IL6ST: variants seen among roughly 807,000 people sequenced by gnomAD.
IL6ST encodes the protein interleukin 6 cytokine family signal transducer.
Under a neutral mutation model 91.3 loss-of-function variants are expected in IL6ST, and 24 were observed. That is an observed-to-expected ratio of 0.26 (90% CI 0.19 to 0.37). IL6ST has a LOEUF of 0.37. IL6ST is among the 10% of genes least tolerant of loss of function. IL6ST has a pLI of 1.00. For synonymous variants in IL6ST, 351 were observed against 373.6 expected (o/e 0.94, Z 0.70); for missense variants, 914 against 1,078.5 (o/e 0.85, Z 2.14).
intron 6 of IL6ST, 51 bp downstream of exon 6, chr5:55,964,095 T>C (rs1324731670): frequency 1.1e-6 from 1 of 907,776 alleles, no homozygotes; most frequent in East Asian, 2.9e-5. Flanking sequence ...TACTTTAATT[T>C]GTAAACGACT....
intron 3 of IL6ST, among the ~76,000 whole-genome samples, chr5:55,974,537 T>C (rs186054229): frequency 1.6e-3 from 242 of 152,082 alleles, no homozygotes; most frequent in African/African-American, 5.7e-3. Context: ...CAGACTGGAG[T>C]GCAGTGGTGC....
At chr5:55,945,648 CTTTT>C (rs70995749) in intron 15 of IL6ST, among the ~76,000 whole-genome samples, 14 of 41,678 alleles carry the variant, frequency 3.4e-4, no homozygotes, top group African/African-American at 1.1e-3. Context: ...AAAACTTATG[CTTTT>C]TTTTTTTTTT....
intron 2 of IL6ST, among the ~76,000 whole-genome samples, chr5:55,981,731 A>T (rs892223083): frequency 3.3e-5 from 5 of 152,172 alleles, no homozygotes; most frequent in Non-Finnish European, 7.3e-5. Context: ...TATTTAATTT[A>T]AAATTATATT....
chr5:55,940,222 TTAC>T lies in IL6ST; in HGVS notation c.*857_*859del, dbSNP rs535435211. 4.8e-6 allele frequency: 1 copy of T among 210,230 alleles called. No homozygotes were observed. The highest frequency in any genetic ancestry group is 2.3e-5 in the African/African-American group (1 of 44,096). The allele number at this position is 210,230 out of a possible 1,614,324, so 13.0% of individuals were successfully genotyped here. On this transcript the variant is annotated 3_prime_UTR_variant, in exon 17 of 17. Transcript: ENST00000381298. ...ATGCTTTATTGGTTTTTTTTCCCCT[TTAC>T]TACTACTTCCTGTTTTCCCCTTTAC...
intron 1 of IL6ST, among the ~76,000 whole-genome samples, chr5:55,983,275 C>T (rs897148750): frequency 6.6e-6 from 1 of 152,116 alleles, no homozygotes; most frequent in Non-Finnish European, 1.5e-5. Flanking sequence ...CATGAGCCAC[C>T]GCGCCCAGCC....
intron 15 of IL6ST, among the ~76,000 whole-genome samples, chr5:55,945,220 T>C (rs1426103214): frequency 6.6e-6 from 1 of 152,100 alleles, no homozygotes; most frequent in East Asian, 1.9e-4. Flanking sequence ...AAGAACACAC[T>C]GGAAGAATTC....
At chr5:55,968,728 A>C (rs1328658389) in intron 4 of IL6ST, among the ~76,000 whole-genome samples, 2 of 152,232 alleles carry the variant, frequency 1.3e-5, no homozygotes, top group Non-Finnish European at 2.9e-5. Context: ...TAATATATAC[A>C]TATGTTTGTA....
intron 8 of IL6ST, among the ~76,000 whole-genome samples, chr5:55,958,753 C>T (rs1232243554): frequency 6.6e-6 from 1 of 151,026 alleles, no homozygotes; most frequent in African/African-American, 2.4e-5. Flanking sequence ...GCATGAGGAT[C>T]GCTTCAGCCT....
chr5:55,967,216 A>T (rs1248368963), intron 5 of IL6ST, among the ~76,000 whole-genome samples: 1 of 144,840 alleles, frequency 6.9e-6, no homozygotes, highest in Non-Finnish European at 1.5e-5. Context: ...AGGCTGAGGC[A>T]GGAGAATTGC....
chr5:55,981,349 A>G (rs897068927), intron 2 of IL6ST, among the ~76,000 whole-genome samples: 12 of 152,236 alleles, frequency 7.9e-5, no homozygotes, highest in Non-Finnish European at 1.6e-4. Context: ...TTGCTTAAAA[A>G]TTGACAGAAT....
chr5:55,983,229 G>T lies in IL6ST; in HGVS notation c.-103-418C>A, dbSNP rs555959157. Among the ~76,000 whole-genome samples, 152 of 152,092 alleles carry T rather than the reference G, an allele frequency of 1.0e-3. 1 individual carries two copies. Among genetic ancestry groups the T allele is most frequent in the African/African-American group, 3.6e-3 (148 of 41,492 alleles). On this transcript the variant is annotated intron_variant, in intron 1 of 16. Transcript: ENST00000381298. ...GCCCAGGCTGAGCTCAAAGGGATCTGCCCACCTCAGACTCCCAAAGTGTTG... is the reference window on the plus strand; with the variant it reads ...GCCCAGGCTGAGCTCAAAGGGATCTTCCCACCTCAGACTCCCAAAGTGTTG...
intron 3 of IL6ST, among the ~76,000 whole-genome samples, chr5:55,970,366 G>A (rs1026091690): frequency 5.9e-5 from 9 of 152,154 alleles, no homozygotes; most frequent in African/African-American, 1.9e-4. Context: ...AATAGAACAA[G>A]ATGGCCAAAT....
Position 55,964,256 on chromosome 5 carries a change from G to C in IL6ST, c.548C>G (p.Thr183Ser). The change falls in exon 6 of 17, where the codon ACT (threonine) becomes AGT (serine). Residue 183 changes from threonine (T) to serine (S), a missense_variant. By Grantham distance (58) the Thr-to-Ser change is moderately conservative. Transcript: ENST00000381298. ...KAKRDTPTSC[T>S]VDYSTVYFVN... is the part of the protein sequence containing the mutation. ...AAAATACACAGTAGAATAATCAACA[G>C]TGCATGAGGTGGGGGTGTCACGTTT... is the stretch of plus-strand genomic sequence containing the variant. 6.2e-7 allele frequency: 1 copy of C among 1,611,586 alleles called. No homozygotes were observed. Among genetic ancestry groups the C allele is most frequent in the Non-Finnish European group, 8.5e-7 (1 of 1,178,270 alleles).
chr5:55,986,355 T>C (rs1753970099), intron 1 of IL6ST, among the ~76,000 whole-genome samples: 1 of 152,266 alleles, frequency 6.6e-6, no homozygotes, highest in South Asian at 2.1e-4. Flanking sequence ...ACTGGTAACA[T>C]TCTCTGAAAT....
At chr5:55,955,450 GAAAA>G (rs940863521) in intron 10 of IL6ST, among the ~76,000 whole-genome samples, 2 of 146,526 alleles carry the variant, frequency 1.4e-5, no homozygotes, top group African/African-American at 5.0e-5. Context: ...GTCTCAAAAA[GAAAA>G]AAAAAAATTT....
intron 14 of IL6ST, among the ~76,000 whole-genome samples, chr5:55,948,369 AAAGT>A (rs1241176573): frequency 6.6e-6 from 1 of 152,156 alleles, no homozygotes; most frequent in Non-Finnish European, 1.5e-5. Flanking sequence ...AAAATGTATG[AAAGT>A]AATATTGCAG....
rs1308202518 is a variant in IL6ST, at chr5:55,938,070, C to T, written c.*3012G>A. On this transcript the variant is annotated 3_prime_UTR_variant, in exon 17 of 17. Transcript: ENST00000381298. ...TGATTTCTATTTCTCAAACTAGATG[C>T]TCTACTTTAAATATGAGCTTTAATG... 5.3e-6 allele frequency: 1 copy of T among 189,636 alleles called. No homozygotes were observed. The highest frequency in any genetic ancestry group is 1.1e-5 in the Non-Finnish European group (1 of 90,244). 11.7% of individuals were successfully genotyped at this position (189,636 alleles called of 1,614,324 possible). A position where few individuals can be genotyped will look rare whatever the true frequency, so the allele number is the denominator to read the frequency against.
In IL6ST at chr5:55,937,359, C is replaced by T. The variant is rs1253428506; in HGVS notation, c.*3723G>A. ...AGCTGCCACCTTTTAATTTTTAATG[C>T]AATGTATATGAGAATATCATGCTAA... is the stretch of plus-strand genomic sequence containing the variant. On this transcript the variant is annotated 3_prime_UTR_variant, in exon 17 of 17. Coordinates refer to ENST00000381298, the MANE Select transcript of IL6ST (RefSeq NM_002184.4). The T allele has an allele frequency of 9.4e-6, 2 of 211,904 alleles. No individual in the cohort carries two copies. Among genetic ancestry groups the T allele is most frequent in the Non-Finnish European group, 1.9e-5 (2 of 104,680 alleles). The allele number at this position is 211,904 out of a possible 1,614,324, so 13.1% of individuals were successfully genotyped here.
In IL6ST at chr5:55,955,982, A is replaced by G. The variant is rs375657944; in HGVS notation, c.1267+43T>C. The G allele has an allele frequency of 2.8e-5, 39 of 1,409,728 alleles. No individual in the cohort carries two copies. In the East Asian group the frequency reaches 8.9e-4, roughly 32 times the overall value. 87.3% of individuals were successfully genotyped at this position (1,409,728 alleles called of 1,614,324 possible). On this transcript the variant is annotated intron_variant, in intron 10 of 16. Coordinates refer to ENST00000381298, the MANE Select transcript of IL6ST (RefSeq NM_002184.4). ...GGAGCCCTGTCCATACCTAACCACCATTTTTCCACCCAAGAGTCAGGCTCC... is the reference window on the plus strand; with the variant it reads ...GGAGCCCTGTCCATACCTAACCACCGTTTTTCCACCCAAGAGTCAGGCTCC...
Sources: gnomAD v4.1 joint callset for allele counts (sites outside exome capture counted in the v4.1 genomes callset) on GRCh38, gnomAD v4.1.1 for gene constraint, MANE v1.5 for transcripts, NCBI Gene and HGNC (gene_info 2026-07-23, HGNC 2026-07-21) for gene names.